OTUD7A: variants seen among roughly 807,000 people sequenced by gnomAD.
OTUD7A encodes OTU deubiquitinase 7A.
In OTUD7A, 12 loss-of-function variants were observed where a neutral mutation model predicts 65.7. The ratio of observed to expected loss-of-function variants is 0.18; its 90% CI spans 0.12 to 0.30. The LOEUF (loss-of-function observed/expected upper bound fraction) is 0.30, where lower values mean the gene tolerates loss of function less well. Ranked by LOEUF, OTUD7A falls within the 10% of genes least tolerant of loss-of-function variation. The pLI is 1.00. For missense variants in OTUD7A, 1,148 were observed against 1,304.8 expected, an observed-to-expected ratio of 0.88 and a Z score of 1.85; for synonymous variants, 641 against 586.3, an observed-to-expected ratio of 1.09 and a Z score of -1.35.
chr15:31,750,126 G>A (rs1894591129), intron 1 of OTUD7A, among the ~76,000 whole-genome samples: 3 of 152,248 alleles, frequency 2.0e-5, no homozygotes, highest in South Asian at 4.1e-4. Context: ...TAAAATGTTC[G>A]ACCGGGCATG....
At chr15:31,768,118 C>G in intron 1 of OTUD7A, 1 of 1,595,268 alleles carries the variant, frequency 6.3e-7, no homozygotes, top group Non-Finnish European at 8.6e-7. Context: ...TTCTTAGAGG[C>G]ATTCCTGCTC....
intron 1 of OTUD7A, among the ~76,000 whole-genome samples, chr15:31,690,321 T>C (rs1892933675): frequency 6.6e-6 from 1 of 152,126 alleles, no homozygotes; most frequent in Admixed American, 6.5e-5. Context: ...ATAATTTGCA[T>C]ATCTCTCATT....
At chr15:31,662,563 G>A (rs1892196497) in intron 1 of OTUD7A, among the ~76,000 whole-genome samples, 1 of 152,064 alleles carries the variant, frequency 6.6e-6, no homozygotes, top group South Asian at 2.1e-4. Context: ...AAATGTTTCA[G>A]GTCCCTTTTC....
At chr15:31,647,017 A>T (rs1891693964) in intron 3 of OTUD7A, among the ~76,000 whole-genome samples, 1 of 152,180 alleles carries the variant, frequency 6.6e-6, no homozygotes, top group Non-Finnish European at 1.5e-5. Context: ...GTATCTTAGA[A>T]TTCTGATCTG....
chr15:31,808,541 A>T lies in OTUD7A; in HGVS notation c.-100+61966T>A, dbSNP rs114635354. Among the ~76,000 whole-genome samples, 496 of 152,194 alleles carry T rather than the reference A, an allele frequency of 3.3e-3. 3 individuals carry two copies. Among genetic ancestry groups the T allele is most frequent in the African/African-American group, 0.012 (481 of 41,520 alleles). On this transcript the variant is annotated intron_variant, in intron 1 of 12. Transcript: ENST00000307050. ...TTGGGTCAGCCCTGGCCTCGGGGTC[A>T]CTCTCCACATTTACCTAGGACCTTG...
intron 1 of OTUD7A, among the ~76,000 whole-genome samples, chr15:31,866,678 G>A (rs944256569): frequency 1.3e-5 from 2 of 152,160 alleles, no homozygotes; most frequent in African/African-American, 4.8e-5. Context: ...TTACAAAAAA[G>A]AACCAGCATA....
chr15:31,767,210 G>C, intron 1 of OTUD7A: 1 of 1,029,500 alleles, frequency 9.7e-7, no homozygotes. Flanking sequence ...TTGAAGACTG[G>C]GGATCATCTT....
At chr15:31,492,420 A>C (rs2041328613) in intron 10 of OTUD7A, among the ~76,000 whole-genome samples, 1 of 152,026 alleles carries the variant, frequency 6.6e-6, no homozygotes. Context: ...CTCTACTAAA[A>C]ATACAAAAAT....
At chr15:31,769,892 G>A (rs560729835) in intron 1 of OTUD7A, among the ~76,000 whole-genome samples, 38 of 152,328 alleles carry the variant, frequency 2.5e-4, no homozygotes, top group Non-Finnish European at 4.3e-4. Context: ...GATTGTGATA[G>A]TGGTTAAATA....
chr15:31,523,243 T>C (rs2041962286), intron 8 of OTUD7A, among the ~76,000 whole-genome samples: 1 of 152,170 alleles, frequency 6.6e-6, no homozygotes, highest in African/African-American at 2.4e-5. Flanking sequence ...CTCCTCCCCT[T>C]CTCTGGCTGC....
At chr15:31,684,184 A>G (rs1892784382) in intron 1 of OTUD7A, among the ~76,000 whole-genome samples, 1 of 152,216 alleles carries the variant, frequency 6.6e-6, no homozygotes, top group Non-Finnish European at 1.5e-5. Flanking sequence ...CAAGGATGCA[A>G]TTACAGTTGC....
intron 1 of OTUD7A, among the ~76,000 whole-genome samples, chr15:31,715,512 C>T (rs371873239): frequency 0.058 from 8,152 of 139,424 alleles, 506 homozygotes; most frequent in African/African-American, 0.18. Flanking sequence ...CCCATTATTT[C>T]ACTGCAGTAC....
At position 31,484,517 on chromosome 15, in the gene OTUD7A, A is replaced by G; in HGVS notation, c.1579T>C (p.Phe527Leu). Residue 527 changes from phenylalanine (F) to leucine (L), a missense_variant, in exon 13 of 13, where the codon TTC (phenylalanine) becomes CTC (leucine). By Grantham distance (22) the Phe-to-Leu change is conservative. Around this residue, in one of 6 missense-constraint regions of OTUD7A, gnomAD observed 842 missense variants for 769.5 expected, o/e 1.09. Coordinates refer to ENST00000307050, the MANE Select transcript of OTUD7A (RefSeq NM_001382637.1). The surrounding 1 kb of genome is among the most constrained non-coding windows in gnomAD (Gnocchi z 4.5). Reference sequence around the variant, plus strand: ...AGCTTGATGCCCAGCGTCTTGCTGAAGCTGCCCAGCTTGTTGGCCACGGAG... The same window carrying G: ...AGCTTGATGCCCAGCGTCTTGCTGAGGCTGCCCAGCTTGTTGGCCACGGAG... ...ADSVANKLGS[F>L]SKTLGIKLKK... 6.2e-7 allele frequency: 1 copy of G among 1,610,380 alleles called. No individual in the cohort carries two copies. Among genetic ancestry groups the G allele is most frequent in the Non-Finnish European group, 8.5e-7 (1 of 1,179,968 alleles).
intron 5 of OTUD7A, among the ~76,000 whole-genome samples, chr15:31,548,193 G>A (rs968545601): frequency 3.0e-5 from 2 of 66,324 alleles, no homozygotes; most frequent in Non-Finnish European, 9.6e-5. Context: ...TGGGCCTCCC[G>A]GGCCACCCCC....
chr15:31,609,845 C>T (rs747053327), intron 3 of OTUD7A, among the ~76,000 whole-genome samples: 11 of 152,226 alleles, frequency 7.2e-5, no homozygotes, highest in Admixed American at 3.3e-4. Context: ...TCCACTGGAA[C>T]AGGTGCTGGC....
At chr15:31,690,077 T>C (rs1256295573) in intron 1 of OTUD7A, among the ~76,000 whole-genome samples, 13 of 152,244 alleles carry the variant, frequency 8.5e-5, no homozygotes, top group East Asian at 5.8e-4. Context: ...AAATAACATA[T>C]ACAACCTCTA....
chr15:31,812,221 T>G (rs7176135), intron 1 of OTUD7A, among the ~76,000 whole-genome samples: 1 of 148,826 alleles, frequency 6.7e-6, no homozygotes, highest in African/African-American at 2.4e-5. Flanking sequence ...CTAACCAGAA[T>G]GCCCCAGCTG....
chr15:31,579,847 C>T (rs949335329), intron 3 of OTUD7A, among the ~76,000 whole-genome samples: 17 of 152,190 alleles, frequency 1.1e-4, no homozygotes, highest in Admixed American at 2.0e-4. Flanking sequence ...TGCGAGTGCA[C>T]GTGTGCATAT....
At chr15:31,703,467 A>G (rs1893259504) in intron 1 of OTUD7A, among the ~76,000 whole-genome samples, 1 of 152,038 alleles carries the variant, frequency 6.6e-6, no homozygotes, top group Admixed American at 6.6e-5. Flanking sequence ...AAATAAGCAC[A>G]TAAAAATGTT....
Sources: gnomAD v4.1 joint callset for allele counts (sites outside exome capture counted in the v4.1 genomes callset) on GRCh38, gnomAD v4.1.1 for gene constraint, gnomAD v4.1.1 regional missense constraint, Gnocchi (gnomAD v3.1) non-coding constraint, MANE v1.5 for transcripts, NCBI Gene and HGNC (gene_info 2026-07-23, HGNC 2026-07-21) for gene names.